The following ELMO1 variants were observed in gnomAD, a reference collection of about 807,000 sequenced individuals.
ELMO1 encodes engulfment and cell motility 1, also known as engulfment and cell motility protein 1.
In ELMO1, 26 loss-of-function variants were observed where a neutral mutation model predicts 98.9. That is an observed-to-expected ratio of 0.26 (90% CI 0.19 to 0.36). ELMO1 has a LOEUF of 0.36. Among genes scored for constraint, ELMO1 ranks in the 10% least tolerant of loss-of-function variants. ELMO1 has a pLI of 1.00. For synonymous variants in ELMO1, 346 were observed against 346.0 expected (o/e 1.00, Z 0.00); for missense variants, 627 against 935.2 (o/e 0.67, Z 4.30).
At chr7:37,131,607 C>T (rs1337724868) in intron 14 of ELMO1, among the ~76,000 whole-genome samples, 2 of 152,178 alleles carry the variant, frequency 1.3e-5, no homozygotes, top group South Asian at 2.1e-4. Flanking sequence ...GGCTATACTA[C>T]ATGGTATCTC....
intron 14 of ELMO1, among the ~76,000 whole-genome samples, chr7:37,119,704 T>C (rs1383259024): frequency 6.6e-6 from 1 of 152,204 alleles, no homozygotes; most frequent in Non-Finnish European, 1.5e-5. Flanking sequence ...ATATTACAAA[T>C]ATTTGTCTTC....
chr7:37,174,398 C>T lies in ELMO1; in HGVS notation c.1086+36988G>A, dbSNP rs150911674. 7.9e-5 allele frequency among the ~76,000 whole-genome samples: 12 copies of T among 152,230 alleles called. No homozygotes were observed. The East Asian group carries it at 1.9e-3, about 24-fold the overall frequency. ...GGGGTCTAGTTTAATCACCAAAAAT[C>T]GAGCCCCCTAAGATTAAAATGTTTT... On this transcript the variant is annotated intron_variant, in intron 13 of 21. Transcript: ENST00000310758.
At chr7:37,180,147 C>T (rs1230411842) in intron 13 of ELMO1, among the ~76,000 whole-genome samples, 1 of 152,068 alleles carries the variant, frequency 6.6e-6, no homozygotes, top group Non-Finnish European at 1.5e-5. Context: ...CTATGATGCC[C>T]GAAACTAAAG....
chr7:36,952,346 G>A (rs973457777), intron 16 of ELMO1, among the ~76,000 whole-genome samples: 2 of 152,318 alleles, frequency 1.3e-5, no homozygotes, highest in East Asian at 3.9e-4. Context: ...GCCACGGGAG[G>A]TGGGAGAGAG....
At chr7:37,270,117 TACAAAAAAC>T (rs1393513793) in intron 5 of ELMO1, 1 of 152,162 alleles carries the variant, frequency 6.6e-6, no homozygotes, top group Non-Finnish European at 1.5e-5. Flanking sequence ...AATCAGAAAC[TACAAAAAAC>T]ACATAAAACA....
intron 13 of ELMO1, among the ~76,000 whole-genome samples, chr7:37,153,641 A>C (rs375586387): frequency 6.6e-6 from 1 of 152,290 alleles, no homozygotes; most frequent in African/African-American, 2.4e-5. Flanking sequence ...GTGTAAACAA[A>C]GCAGCAGGGA....
intron 1 of ELMO1, among the ~76,000 whole-genome samples, chr7:37,430,634 T>A (rs1314736231): frequency 6.6e-6 from 1 of 152,224 alleles, no homozygotes; most frequent in Non-Finnish European, 1.5e-5. Context: ...CCTAATTCCA[T>A]CCCTTTCAAC....
At chr7:37,370,291 T>C (rs568832018) in intron 1 of ELMO1, among the ~76,000 whole-genome samples, 1 of 152,292 alleles carries the variant, frequency 6.6e-6, no homozygotes, top group African/African-American at 2.4e-5. Flanking sequence ...CTGGTGTGTT[T>C]TTTGGGGCCC....
At chr7:36,876,834 A>G (rs1283247376) in intron 19 of ELMO1, among the ~76,000 whole-genome samples, 9 of 152,226 alleles carry the variant, frequency 5.9e-5, no homozygotes, top group Admixed American at 5.2e-4. Context: ...AGTGGATTTC[A>G]GATTTCTTTC....
intron 16 of ELMO1, among the ~76,000 whole-genome samples, chr7:37,009,278 G>A (rs1222610324): frequency 2.6e-5 from 4 of 152,124 alleles, no homozygotes; most frequent in Non-Finnish European, 5.9e-5. Flanking sequence ...TAAAATATTG[G>A]TAATGATAGA....
At chr7:37,287,654 T>G (rs1797464158) in intron 4 of ELMO1, among the ~76,000 whole-genome samples, 1 of 152,248 alleles carries the variant, frequency 6.6e-6, no homozygotes, top group Non-Finnish European at 1.5e-5. Flanking sequence ...TTTATATGGC[T>G]GTAGTGTTCC....
In ELMO1 at chr7:37,397,901, C is replaced by G. The variant is rs142967212; in HGVS notation, c.-74+50774G>C. 1.3e-3 allele frequency among the ~76,000 whole-genome samples: 197 copies of G among 152,280 alleles called. 4 individuals carry two copies. The East Asian group carries it at 0.034, about 26-fold the overall frequency. On this transcript the variant is annotated intron_variant, in intron 1 of 21. Coordinates refer to ENST00000310758, the MANE Select transcript of ELMO1 (RefSeq NM_014800.11). ...TATCCTCAGCAAACTAACACAGGAA[C>G]AGAAAACCAAATACTGCATATTCTC...
intron 13 of ELMO1, among the ~76,000 whole-genome samples, chr7:37,136,693 C>A (rs572191809): frequency 1.3e-5 from 2 of 151,824 alleles, no homozygotes; most frequent in Admixed American, 1.3e-4. Context: ...TCCCCACTAC[C>A]AAACCAGCAC....
At chr7:37,196,164 T>C (rs1791952407) in intron 13 of ELMO1, among the ~76,000 whole-genome samples, 1 of 152,174 alleles carries the variant, frequency 6.6e-6, no homozygotes. Context: ...AGACAAGGCC[T>C]CTTGGATTTA....
chr7:37,154,931 C>A (rs1788631004), intron 13 of ELMO1, among the ~76,000 whole-genome samples: 1 of 152,196 alleles, frequency 6.6e-6, no homozygotes, highest in African/African-American at 2.4e-5. Context: ...AAGTTACCCA[C>A]AAAGGGAAGC....
chr7:37,183,892 A>G (rs987957629), intron 13 of ELMO1, among the ~76,000 whole-genome samples: 1 of 152,206 alleles, frequency 6.6e-6, no homozygotes, highest in Non-Finnish European at 1.5e-5. Flanking sequence ...TCTATTATAT[A>G]TTGTTACATA....
intron 15 of ELMO1, among the ~76,000 whole-genome samples, chr7:37,081,846 A>G (rs1035591733): frequency 1.3e-5 from 2 of 152,250 alleles, no homozygotes; most frequent in African/African-American, 4.8e-5. Flanking sequence ...AATGAAAACA[A>G]TGAACCCTGC....
intron 18 of ELMO1, among the ~76,000 whole-genome samples, chr7:36,882,117 A>C (rs17332163): frequency 0.11 from 16,146 of 152,282 alleles, 1,158 homozygotes; most frequent in Middle Eastern, 0.16. Flanking sequence ...GAATCAGGAC[A>C]CATCTTTGTT....
chr7:37,349,462 T>C (rs570275829), intron 1 of ELMO1, among the ~76,000 whole-genome samples: 3 of 152,160 alleles, frequency 2.0e-5, no homozygotes, highest in Non-Finnish European at 4.4e-5. Context: ...TTTTTTCTTT[T>C]TCTTTTTTTG....
Sources: gnomAD v4.1 joint callset for allele counts (sites outside exome capture counted in the v4.1 genomes callset) on GRCh38, gnomAD v4.1.1 for gene constraint, MANE v1.5 for transcripts, NCBI Gene and HGNC (gene_info 2026-07-23, HGNC 2026-07-21) for gene names.